GALNT10: variants seen among roughly 807,000 people sequenced by gnomAD.
GALNT10 encodes the protein GalNAc transferase 10.
Under a neutral mutation model 75.0 loss-of-function variants are expected in GALNT10, and 41 were observed. The ratio of observed to expected loss-of-function variants is 0.55; its 90% confidence interval spans 0.43 to 0.71. GALNT10 has a LOEUF of 0.71. GALNT10 is among the 30% of genes least tolerant of loss of function. The pLI, the probability that GALNT10 is intolerant of heterozygous loss-of-function variation, is 0.00. For synonymous variants in GALNT10, 302 were observed against 313.0 expected (o/e 0.96, Z 0.37); for missense variants, 727 against 818.5 (o/e 0.89, Z 1.36).
chr5:154,356,119 T>C (rs1218770720), intron 4 of GALNT10: 1 of 456,190 alleles, frequency 2.2e-6, no homozygotes, highest in Non-Finnish European at 4.4e-6. Context: ...CAGAAAGGTG[T>C]CTCCAGCTAA....
chr5:154,193,375 C>G (rs1272382339), intron 1 of GALNT10, among the ~76,000 whole-genome samples: 2 of 152,216 alleles, frequency 1.3e-5, no homozygotes, highest in African/African-American at 4.8e-5. Context: ...GCTTGGCCCC[C>G]AGTCCGTTGT....
At chr5:154,354,499 A>G (rs959400202) in intron 4 of GALNT10, among the ~76,000 whole-genome samples, 2 of 152,154 alleles carry the variant, frequency 1.3e-5, no homozygotes, top group African/African-American at 4.8e-5. Context: ...AAGTTTTTCT[A>G]CCTGATTGTC....
chr5:154,358,234 T>C (rs1187709236), intron 4 of GALNT10, among the ~76,000 whole-genome samples: 1 of 152,166 alleles, frequency 6.6e-6, no homozygotes, highest in African/African-American at 2.4e-5. Context: ...ATTTGAAATG[T>C]TCTGCATGGG....
intron 7 of GALNT10, chr5:154,386,812 G>A: frequency 2.6e-6 from 1 of 384,282 alleles, no homozygotes; most frequent in South Asian, 3.9e-5. Context: ...CGTAGGCCTA[G>A]AGGAGTCCTC....
intron 4 of GALNT10, among the ~76,000 whole-genome samples, chr5:154,331,018 G>A (rs10042773): frequency 0.022 from 3,323 of 151,730 alleles, 121 homozygotes; most frequent in African/African-American, 0.077. Flanking sequence ...ACTCATTCTC[G>A]TGCTACCCTT....
At chr5:154,276,304 G>T (rs1284101516) in intron 1 of GALNT10, among the ~76,000 whole-genome samples, 1 of 152,162 alleles carries the variant, frequency 6.6e-6, no homozygotes, top group Non-Finnish European at 1.5e-5. Flanking sequence ...CAGGCCAGGG[G>T]TTGCTGTCTG....
At chr5:154,333,502 A>G (rs1175033480) in intron 4 of GALNT10, among the ~76,000 whole-genome samples, 1 of 152,182 alleles carries the variant, frequency 6.6e-6, no homozygotes, top group Admixed American at 6.5e-5. Context: ...AATGGTTTGT[A>G]CCTCTAAATA....
At chr5:154,342,452 C>T (rs1216310621) in intron 4 of GALNT10, among the ~76,000 whole-genome samples, 1 of 152,170 alleles carries the variant, frequency 6.6e-6, no homozygotes, top group Non-Finnish European at 1.5e-5. Context: ...TTACCAGGGC[C>T]CACCCATAAA....
intron 7 of GALNT10, 109 bp downstream of exon 7, chr5:154,386,539 TC>T: frequency 1.4e-6 from 1 of 721,536 alleles, no homozygotes; most frequent in Non-Finnish European, 2.5e-6. Context: ...GCCTCAGGGT[TC>T]TGTAGCCCTT....
chr5:154,334,652 G>T (rs570490747), intron 4 of GALNT10, among the ~76,000 whole-genome samples: 1 of 152,342 alleles, frequency 6.6e-6, no homozygotes, highest in East Asian at 1.9e-4. Context: ...CCGGAATGAT[G>T]AGGTACAAAA....
At chr5:154,374,749 T>G (rs1261022114) in intron 4 of GALNT10, among the ~76,000 whole-genome samples, 1 of 151,120 alleles carries the variant, frequency 6.6e-6, no homozygotes, top group African/African-American at 2.4e-5. Context: ...TTTCAATTCT[T>G]TTTCATTCTT....
At chr5:154,296,914 T>C (rs1202722851) in intron 2 of GALNT10, among the ~76,000 whole-genome samples, 1 of 152,210 alleles carries the variant, frequency 6.6e-6, no homozygotes, top group Non-Finnish European at 1.5e-5. Context: ...CCTGACTGGA[T>C]TGGAGTAGTC....
At chr5:154,303,741 C>T (rs112646999) in intron 3 of GALNT10, among the ~76,000 whole-genome samples, 194 of 152,248 alleles carry the variant, frequency 1.3e-3, no homozygotes, top group Middle Eastern at 6.8e-3. Flanking sequence ...ATATAATGCA[C>T]CCAGAACAAA....
chr5:154,242,296 G>C (rs1753349162), intron 1 of GALNT10, among the ~76,000 whole-genome samples: 1 of 152,140 alleles, frequency 6.6e-6, no homozygotes, highest in African/African-American at 2.4e-5. Flanking sequence ...GGAGGGTACA[G>C]TCTCTGCCCC....
chr5:154,362,904 G>C (rs537502201), intron 4 of GALNT10, among the ~76,000 whole-genome samples: 5 of 152,298 alleles, frequency 3.3e-5, no homozygotes, highest in African/African-American at 9.6e-5. Flanking sequence ...TGGAGGCAGA[G>C]AGCATGGTGT....
intron 7 of GALNT10, among the ~76,000 whole-genome samples, chr5:154,393,599 G>A (rs1199821120): frequency 1.3e-5 from 2 of 152,190 alleles, no homozygotes; most frequent in African/African-American, 2.4e-5. Flanking sequence ...TTGGGAGGTC[G>A]AGGCAGGAGT....
chr5:154,392,214 A>G (rs1755909359), intron 7 of GALNT10: 1 of 152,124 alleles, frequency 6.6e-6, no homozygotes, highest in Admixed American at 6.6e-5. Context: ...CACCCTTCCA[A>G]TCTCAGCTTA....
At chr5:154,272,555 C>T (rs1753883063) in intron 1 of GALNT10, among the ~76,000 whole-genome samples, 1 of 152,196 alleles carries the variant, frequency 6.6e-6, no homozygotes, top group Non-Finnish European at 1.5e-5. Flanking sequence ...AGTGGGCAGA[C>T]ATCAGAGGCC....
chr5:154,259,924 A>G (rs1674489446), intron 1 of GALNT10, among the ~76,000 whole-genome samples: 1 of 152,220 alleles, frequency 6.6e-6, no homozygotes, highest in African/African-American at 2.4e-5. Flanking sequence ...TCTAGGGAAT[A>G]TAAAATTCAT....
Sources: allele counts gnomAD v4.1 joint callset (sites outside exome capture counted in the v4.1 genomes callset), GRCh38; gene constraint gnomAD v4.1.1; transcripts MANE v1.5; gene names NCBI Gene and HGNC (gene_info 2026-07-23, HGNC 2026-07-21).